Variants in MTBP observed in about 807,000 individuals in gnomAD.
The protein encoded by MTBP is mdm2-binding protein.
A neutral mutation model predicts 117.0 loss-of-function variants in MTBP; 101 were observed. The ratio of observed to expected loss-of-function variants is 0.86; its 90% CI spans 0.73 to 1.02. The LOEUF (loss-of-function observed/expected upper bound fraction) is 1.02. Ranked by LOEUF, MTBP falls within the 50% of genes least tolerant of loss-of-function variation. MTBP has a pLI of 0.00. For synonymous variants in MTBP, 350 were observed against 351.5 expected (o/e 1.00, Z 0.05); for missense variants, 970 against 1,030.9 (o/e 0.94, Z 0.81).
chr8:120,447,800 C>T (rs1425031616), intron 2 of MTBP, among the ~76,000 whole-genome samples: 1 of 152,134 alleles, frequency 6.6e-6, no homozygotes, highest in Non-Finnish European at 1.5e-5. Flanking sequence ...AAAAACCTTA[C>T]CAAGAGTAGT....
At chr8:120,463,863 A>G in intron 10 of MTBP, 102 bp downstream of exon 10, 1 of 1,120,434 alleles carries the variant, frequency 8.9e-7, no homozygotes, top group Non-Finnish European at 1.3e-6. Context: ...TGTTTGCTTG[A>G]TGACTTGGTT....
In MTBP at chr8:120,516,106, G is replaced by C; in HGVS notation, c.2161G>C (p.Glu721Gln). The C allele has an allele frequency of 6.2e-7, 1 of 1,612,944 alleles. No individual in the cohort carries two copies. Among genetic ancestry groups the C allele is most frequent in the Non-Finnish European group, 8.5e-7 (1 of 1,179,174 alleles). Residue 721 changes from glutamate to glutamine, a missense_variant, in exon 18 of 22, where the codon GAA becomes CAA. Glu to Gln is a conservative substitution (Grantham distance 29). Transcript: ENST00000305949. ...SSDPGSVPDG[E>Q]VLQNELRTEV... ...AGATCCTGGAAGTGTCCCTGACGGA[G>C]AAGTTTTACAAAATGAACTTCGAAC...
intron 11 of MTBP, among the ~76,000 whole-genome samples, chr8:120,477,508 C>T (rs193027701): frequency 2.0e-5 from 3 of 152,118 alleles, no homozygotes; most frequent in Non-Finnish European, 2.9e-5. Flanking sequence ...ATCCATCTGA[C>T]AAAGGGCTAA....
intron 14 of MTBP, among the ~76,000 whole-genome samples, chr8:120,499,605 G>A (rs1814537996): frequency 6.6e-6 from 1 of 152,054 alleles, no homozygotes; most frequent in Admixed American, 6.5e-5. Context: ...GAAACACTAA[G>A]GCCAATTAGA....
At position 120,445,437 on chromosome 8, in the gene MTBP, C is replaced by A. The variant is rs1315978147; in HGVS notation, c.-34C>A. 6.3e-7 allele frequency: 1 copy of A among 1,577,672 alleles called. No homozygotes were observed. Among genetic ancestry groups the A allele is most frequent in the Non-Finnish European group, 8.7e-7 (1 of 1,149,330 alleles). On this transcript the variant is annotated 5_prime_UTR_variant, in exon 1 of 22. Coordinates refer to ENST00000305949, the MANE Select transcript of MTBP (RefSeq NM_022045.5). ...CGCGCGTCTGTTTGGATGTGGAAGCCGAGACCTAAAGTTGGGGGGTGATCT... is the reference window on the plus strand; with the variant it reads ...CGCGCGTCTGTTTGGATGTGGAAGCAGAGACCTAAAGTTGGGGGGTGATCT...
rs188075368 is a variant in MTBP at position 120,507,294 on chromosome 8, G to A, written c.1883+433G>A. 2.4e-3 allele frequency among the ~76,000 whole-genome samples: 361 copies of A among 152,164 alleles called. 5 individuals are homozygous for A. Among genetic ancestry groups the A allele is most frequent in the Admixed American group, 0.021 (317 of 15,274 alleles). On this transcript the variant is annotated intron_variant, in intron 16 of 21. Coordinates refer to ENST00000305949, the MANE Select transcript of MTBP (RefSeq NM_022045.5). ...AGCATGGCCTTTCACCTGAAGAACA[G>A]GAAAATGTAATAAAAATGCTTTGGA...
rs755259037 is a variant in MTBP at position 120,497,585 on chromosome 8, CG to C, written c.1609+32del. 8.8e-4 allele frequency: 1,170 copies of C among 1,326,994 alleles called. 1 individual carries two copies. The highest frequency in any genetic ancestry group is 1.1e-3 in the Non-Finnish European group (1,026 of 961,356). 82.2% of individuals were successfully genotyped at this position (1,326,994 alleles called of 1,614,324 possible). A position where few individuals can be genotyped will look rare whatever the true frequency, so the allele number is the denominator to read the frequency against. ...TTTTTTATTACTTTAAATTTTAGTTCGTGTGTGTGTGGCAACTATGACATTT... is the reference window on the plus strand; with the variant it reads ...TTTTTTATTACTTTAAATTTTAGTTCTGTGTGTGTGGCAACTATGACATTT... On this transcript the variant is annotated intron_variant, in intron 14 of 21. Transcript: ENST00000305949.
chr8:120,519,486 A>C (rs1327103578), intron 20 of MTBP, among the ~76,000 whole-genome samples: 1 of 152,136 alleles, frequency 6.6e-6, no homozygotes, highest in African/African-American at 2.4e-5. Context: ...ATGGTTTTCT[A>C]AAACTTAGAC....
Position 120,456,670 on chromosome 8 carries a change from G to C in MTBP, c.747G>C (p.Lys249Asn). The C allele has an allele frequency of 6.7e-7, 1 of 1,494,130 alleles. No individual in the cohort carries two copies. The highest frequency in any genetic ancestry group is 2.3e-5 in the East Asian group (1 of 43,152). The allele number at this position is 1,494,130 out of a possible 1,614,324, so 92.6% of individuals were successfully genotyped here. A position where few individuals can be genotyped will look rare whatever the true frequency, so the allele number is the denominator to read the frequency against. The change falls in exon 7 of 22, where the codon AAG becomes AAC. Residue 249 changes from lysine (K) to asparagine (N), a missense_variant and splice_region_variant. By Grantham distance (94) the Lys-to-Asn change is moderately conservative. Coordinates refer to ENST00000305949, the MANE Select transcript of MTBP (RefSeq NM_022045.5). ...WRGKIQIWER[K>N]FGFEISFPEF... ...GGAAAATACAGATATGGGAAAGAAA[G>C]GTAAATGGATTATTCACAGTTTGCC...
Position 120,488,341 on chromosome 8 carries a change from T to G in MTBP, c.1339+9T>G. 6.6e-7 allele frequency: 1 copy of G among 1,507,990 alleles called. No individual in the cohort carries two copies. The highest frequency in any genetic ancestry group is 8.8e-7 in the Non-Finnish European group (1 of 1,133,164). The allele number at this position is 1,507,990 out of a possible 1,614,324, so 93.4% of individuals were successfully genotyped here. A position where few individuals can be genotyped will look rare whatever the true frequency, so the allele number is the denominator to read the frequency against. On this transcript the variant is annotated intron_variant, in intron 12 of 21. Coordinates refer to ENST00000305949, the MANE Select transcript of MTBP (RefSeq NM_022045.5). ...AGAAGAAGCCAAATTGAGTAAGTGT[T>G]AACTTCAGGTAGAAAAACATGTTTA...
At chr8:120,458,138 T>G (rs1482935383) in intron 7 of MTBP, among the ~76,000 whole-genome samples, 1 of 152,228 alleles carries the variant, frequency 6.6e-6, no homozygotes, top group African/African-American at 2.4e-5. Context: ...CTCCACTGGA[T>G]GCATTTAAAA....
chr8:120,453,682 T>G (rs201965638), intron 4 of MTBP, among the ~76,000 whole-genome samples, 165 bp from the exon 5 acceptor site: 3 of 140,120 alleles, frequency 2.1e-5, no homozygotes, highest in Non-Finnish European at 4.7e-5. Flanking sequence ...GATAATAGTA[T>G]TATAGTAGTA....
chr8:120,490,393 C>A, intron 12 of MTBP, 70 bp from the exon 13 acceptor site: 1 of 921,464 alleles, frequency 1.1e-6, no homozygotes, highest in Non-Finnish European at 1.7e-6. Context: ...ACACATTTCC[C>A]AGGAACTGAG....
chr8:120,447,537 T>C (rs1269239131), intron 2 of MTBP, among the ~76,000 whole-genome samples: 1 of 152,222 alleles, frequency 6.6e-6, no homozygotes, highest in Non-Finnish European at 1.5e-5. Context: ...TAGGGTTTCT[T>C]ATACACACGG....
At chr8:120,483,329 T>A (rs1419537275) in intron 11 of MTBP, among the ~76,000 whole-genome samples, 1 of 152,156 alleles carries the variant, frequency 6.6e-6, no homozygotes, top group East Asian at 1.9e-4. Context: ...AGATTTTGCT[T>A]TATTATTTCA....
At chr8:120,463,656 G>A in intron 9 of MTBP, 36 bp from the exon 10 acceptor site, 1 of 1,490,020 alleles carries the variant, frequency 6.7e-7, no homozygotes, top group Non-Finnish European at 9.2e-7. Context: ...TGTTTCATGG[G>A]TACCATTACA....
rs1192114404 is a variant in MTBP at position 120,493,752 on chromosome 8, A to G, written c.1447+3182A>G. Among the ~76,000 whole-genome samples, 2 of 152,196 alleles carry G rather than the reference A, an allele frequency of 1.3e-5. 1 individual carries two copies. Among genetic ancestry groups the G allele is most frequent in the Admixed American group, 1.3e-4 (2 of 15,274 alleles). The stretch of plus-strand genomic sequence containing the variant: ...GTGATCCACCCGCTTCGGCCTCCCA[A>G]AGTGCTGGGATTACAGGAGTGAGCC... On this transcript the variant is annotated intron_variant, in intron 13 of 21. Coordinates refer to ENST00000305949, the MANE Select transcript of MTBP (RefSeq NM_022045.5).
intron 10 of MTBP, among the ~76,000 whole-genome samples, chr8:120,470,328 G>A (rs1467781785): frequency 5.3e-5 from 8 of 152,094 alleles, no homozygotes; most frequent in Non-Finnish European, 1.5e-5. Context: ...TTACCTATTA[G>A]CATTAAATCT....
intron 11 of MTBP, among the ~76,000 whole-genome samples, chr8:120,476,284 C>T (rs903488501): frequency 6.6e-6 from 1 of 152,066 alleles, no homozygotes; most frequent in East Asian, 1.9e-4. Context: ...TTATGACAAA[C>T]CCGTAGCCAA....
Sources: gnomAD v4.1 joint callset for allele counts (sites outside exome capture counted in the v4.1 genomes callset) on GRCh38, gnomAD v4.1.1 for gene constraint, MANE v1.5 for transcripts, NCBI Gene and HGNC (gene_info 2026-07-23, HGNC 2026-07-21) for gene names.